The following NLRP10 variants were observed in gnomAD, a reference collection of about 807,000 sequenced individuals.
The protein encoded by NLRP10 is NLR family pyrin domain containing 10, also known as NACHT, LRR and PYD domains-containing protein 10.
NLRP10 carries 7 observed loss-of-function variants against 8.2 expected under a neutral mutation model. That is an observed-to-expected ratio of 0.85 (90% CI 0.48 to 1.60). The LOEUF (loss-of-function observed/expected upper bound fraction) is 1.60. Among genes scored for constraint, NLRP10 ranks in the 40% most tolerant of loss-of-function variants. The pLI is 0.00. For missense variants in NLRP10, 814 were observed against 776.3 expected (o/e 1.05, Z -0.58); for synonymous variants, 338 against 314.0 (o/e 1.08, Z -0.81).
Position 7,963,597 on chromosome 11 carries a change from G to C in NLRP10, c.-45-57C>G, listed in dbSNP as rs1941770319. 3 of 1,069,540 alleles carry C rather than the reference G, an allele frequency of 2.8e-6. No individual in the cohort carries two copies. The African/African-American group carries it at 4.8e-5, about 17-fold the overall frequency. The allele number at this position is 1,069,540 out of a possible 1,614,324, so 66.3% of individuals were successfully genotyped here. On this transcript the variant is annotated intron_variant, in intron 1 of 2. Coordinates refer to ENST00000691676, the MANE Select transcript of NLRP10 (RefSeq NM_001391958.1). Reference sequence around the variant, plus strand: ...GCTGAGAGGCCCACCCTGCTTTCTGGGGGCTTGGCCAAGTTATAGAGCGGA... The same window carrying C: ...GCTGAGAGGCCCACCCTGCTTTCTGCGGGCTTGGCCAAGTTATAGAGCGGA...
intron 1 of NLRP10, among the ~76,000 whole-genome samples, chr11:7,964,452 C>G (rs1195860740): frequency 1.3e-5 from 2 of 152,210 alleles, no homozygotes; most frequent in African/African-American, 4.8e-5. Flanking sequence ...AGAGGAACCG[C>G]CACCTGTGAG....
chr11:7,960,279 C>T lies in NLRP10; in HGVS notation c.1333G>A (p.Ala445Thr), dbSNP rs749132635. 9 of 1,614,036 alleles carry T rather than the reference C, an allele frequency of 5.6e-6. No homozygotes were observed. Among genetic ancestry groups the T allele is most frequent in the East Asian group, 2.2e-5 (1 of 44,894 alleles). Residue 445 changes from alanine (A) to threonine (T), a missense_variant, in exon 3 of 3, where the codon GCT becomes ACT. Ala to Thr is a moderately conservative substitution (Grantham distance 58). Coordinates refer to ENST00000691676, the MANE Select transcript of NLRP10 (RefSeq NM_001391958.1). ...KHNLDGPRLA[A>T]FLSSNDYQLG... Reference sequence around the variant, plus strand: ...TGGTAGTCGTTACTACTCAGGAAAGCGGCAAGCCTGGGGCCATCTAAATTA... The same window carrying T: ...TGGTAGTCGTTACTACTCAGGAAAGTGGCAAGCCTGGGGCCATCTAAATTA...
rs1482796243 is a variant in NLRP10, at chr11:7,957,639, C to G, written c.*2005G>C. Among the ~76,000 whole-genome samples, 1 of 152,064 alleles carries G rather than the reference C, an allele frequency of 6.6e-6. No individual in the cohort carries two copies. Among genetic ancestry groups the G allele is most frequent in the Non-Finnish European group, 1.5e-5 (1 of 67,998 alleles). ...ATATACCCTCTCCACCACCACCACC[C>G]CCTCACAAAGTTTCTCTTATTAACA... On this transcript the variant is annotated 3_prime_UTR_variant, in exon 3 of 3. Coordinates refer to ENST00000691676, the MANE Select transcript of NLRP10 (RefSeq NM_001391958.1).
chr11:7,962,707 C>T (rs190378244), intron 2 of NLRP10, among the ~76,000 whole-genome samples: 288 of 152,128 alleles, frequency 1.9e-3, no homozygotes, highest in African/African-American at 6.4e-3. Context: ...ATCCCTCCCT[C>T]CCCCCAGGCA....
At position 7,960,211 on chromosome 11, in the gene NLRP10, G is replaced by A. The variant is rs1941689697; in HGVS notation, c.1401C>T (p.Ile467=). The change falls in exon 3 of 3, where the codon ATC becomes ATT. Residue 467 remains isoleucine, a synonymous_variant. Transcript: ENST00000691676. The stretch of plus-strand genomic sequence containing the variant: ...TGGCATGAAAAAAGTCCTGGAAGCT[G>A]ATGTGGCGGAAGCTGTAGAACTTCT... ...AIKKFYSFRH[I]SFQDFFHAMS... 2 of 1,614,192 alleles carry A rather than the reference G, an allele frequency of 1.2e-6. No homozygotes were observed. The highest frequency in any genetic ancestry group is 2.7e-5 in the African/African-American group (2 of 75,054).
At chr11:7,963,672 G>C in intron 1 of NLRP10, 132 bp from the exon 2 acceptor site, 1 of 595,302 alleles carries the variant, frequency 1.7e-6, no homozygotes, top group East Asian at 2.8e-5. Context: ...AAGACAAGCA[G>C]ATGAAACGCA....
At chr11:7,961,471 C>T in intron 2 of NLRP10, 149 bp from the exon 3 acceptor site, 1 of 619,594 alleles carries the variant, frequency 1.6e-6, no homozygotes, top group Non-Finnish European at 2.8e-6. Context: ...TGGGGAGGGG[C>T]CACTGTATGT....
At position 7,960,083 on chromosome 11, in the gene NLRP10, A is replaced by G; in HGVS notation, c.1529T>C (p.Met510Thr). 1 of 1,614,150 alleles carries G rather than the reference A, an allele frequency of 6.2e-7. No individual in the cohort carries two copies. Among genetic ancestry groups the G allele is most frequent in the East Asian group, 2.2e-5 (1 of 44,876 alleles). Reference protein sequence around the residue: ...EVKEQEGNDEMTLTMQFLLDI... With the variant: ...EVKEQEGNDETTLTMQFLLDI... ...CAGTAAAAACTGCATAGTGAGGGTC[A>G]TCTCATCATTCCCTTCCTGCTCCTT... Residue 510 changes from methionine (M) to threonine (T), a missense_variant, in exon 3 of 3, where the codon ATG (methionine) becomes ACG (threonine). Met to Thr is a moderately conservative substitution (Grantham distance 81). Coordinates refer to ENST00000691676, the MANE Select transcript of NLRP10 (RefSeq NM_001391958.1).
Position 7,961,262 on chromosome 11 carries a change from A to C in NLRP10, c.350T>G (p.Val117Gly). Residue 117 changes from valine to glycine, a missense_variant, in exon 3 of 3, where the codon GTC becomes GGC. Transcript: ENST00000691676. ...RCLEEWQEAG[V>G]NGRYNQVLLV... The stretch of plus-strand genomic sequence containing the variant: ...GAGCACCTGGTTGTATCTGCCATTG[A>C]CTCCTGCTTCCTGCCATTCCTCTAG... 1.2e-6 allele frequency: 2 copies of C among 1,607,412 alleles called. No individual in the cohort carries two copies. The highest frequency in any genetic ancestry group is 1.3e-5 in the African/African-American group (1 of 74,214).
Position 7,959,923 on chromosome 11 carries a change from C to G in NLRP10, c.1689G>C (p.Leu563Phe), listed in dbSNP as rs1356170788. The change falls in exon 3 of 3, where the codon TTG becomes TTC. Residue 563 changes from leucine (L) to phenylalanine (F), a missense_variant. Transcript: ENST00000691676. ...ESMKHNRTWD[L>F]EFSLYEAKIK... The stretch of plus-strand genomic sequence containing the variant: ...TTTTAGCTTCATACAGGGAGAATTC[C>G]AAATCCCAGGTCCTGTTGTGCTTCA... The G allele has an allele frequency of 6.2e-7, 1 of 1,613,988 alleles. No individual in the cohort carries two copies. The highest frequency in any genetic ancestry group is 8.5e-7 in the Non-Finnish European group (1 of 1,180,018).
At chr11:7,962,228 G>GTTT (rs1196465022) in intron 2 of NLRP10, among the ~76,000 whole-genome samples, 7 of 36,850 alleles carry the variant, frequency 1.9e-4, no homozygotes, top group South Asian at 1.0e-3. Flanking sequence ...AGATAAGCCT[G>GTTT]TTCTTTTTTT....
In NLRP10 at chr11:7,958,385, G is replaced by T. The variant is rs1941655974; in HGVS notation, c.*1259C>A. 6.6e-6 allele frequency among the ~76,000 whole-genome samples: 1 copy of T among 152,208 alleles called. No homozygotes were observed. The highest frequency in any genetic ancestry group is 6.5e-5 in the Admixed American group (1 of 15,282). On this transcript the variant is annotated 3_prime_UTR_variant, in exon 3 of 3. Coordinates refer to ENST00000691676, the MANE Select transcript of NLRP10 (RefSeq NM_001391958.1). ...TACTCCACATCCTAACAAGCATTTA[G>T]TGTTGCCAGGATTTGGGATGTTAGC...
rs773037550 is a variant in NLRP10, at chr11:7,960,689, C to A, written c.923G>T (p.Arg308Leu). ...RNLEPLLKQA[R>L]HVHILGFSEE... ...AGAGAAGCCTAGGATATGGACATGA[C>A]GTGCTTGTTTCAGCAAGGGCTCCAG... Residue 308 changes from arginine (R) to leucine (L), a missense_variant, in exon 3 of 3, where the codon CGT (arginine) becomes CTT (leucine). Transcript: ENST00000691676. 9.9e-6 allele frequency: 16 copies of A among 1,614,044 alleles called. No homozygotes were observed. In the South Asian group the frequency reaches 1.5e-4, roughly 16 times the overall value.
Position 7,960,789 on chromosome 11 carries a change from G to A in NLRP10, c.823C>T (p.His275Tyr), listed in dbSNP as rs747343602. Residue 275 changes from histidine to tyrosine, a missense_variant, in exon 3 of 3, where the codon CAC (histidine) becomes TAC (tyrosine). Transcript: ENST00000691676. ...RGLSPKESLL[H>Y]LLIRRHTLPT... ...AGTGTATGTCTCCTAATTAGAAGGT[G>A]CAGCAGGCTCTCCTTGGGACTCAAA... 1.9e-6 allele frequency: 3 copies of A among 1,614,020 alleles called. No individual in the cohort carries two copies. Among genetic ancestry groups the A allele is most frequent in the African/African-American group, 2.7e-5 (2 of 74,904 alleles).
At chr11:7,963,988 C>A (rs1941778641) in intron 1 of NLRP10, among the ~76,000 whole-genome samples, 1 of 152,144 alleles carries the variant, frequency 6.6e-6, no homozygotes, top group Non-Finnish European at 1.5e-5. Flanking sequence ...GTGGCATGAT[C>A]TCGGCTCACC....
chr11:7,960,906 C>A lies in NLRP10; in HGVS notation c.706G>T (p.Glu236Ter). The change falls in exon 3 of 3, where the codon GAG (glutamate) becomes TAG (stop). Residue 236 changes from glutamate to a stop codon, truncating the protein, a stop_gained. Transcript: ENST00000691676. LOFTEE classifies it low-confidence loss of function (END_TRUNC). Reference protein sequence around the residue: ...CCGDNQAPVTEILRQPERLLF... With the variant: ...CCGDNQAPVT ...AGCCGCTCTGGCTGCCTCAGAATCTCTGTGACAGGGGCTTGATTGTCCCCG... is the reference window on the plus strand; with the variant it reads ...AGCCGCTCTGGCTGCCTCAGAATCTATGTGACAGGGGCTTGATTGTCCCCG... 6.2e-7 allele frequency: 1 copy of A among 1,614,216 alleles called. No individual in the cohort carries two copies. The highest frequency in any genetic ancestry group is 8.5e-7 in the Non-Finnish European group (1 of 1,180,034).
Position 7,960,209 on chromosome 11 carries a change from C to T in NLRP10, c.1403G>A (p.Ser468Asn), listed in dbSNP as rs1941689649. ...CATGGCATGAAAAAAGTCCTGGAAG[C>T]TGATGTGGCGGAAGCTGTAGAACTT... ...IKKFYSFRHI[S>N]FQDFFHAMSY... is the part of the protein sequence containing the mutation. The change falls in exon 3 of 3, where the codon AGC becomes AAC. Residue 468 changes from serine to asparagine, a missense_variant. Physicochemically the swap from Ser to Asn is conservative, Grantham distance 46. Coordinates refer to ENST00000691676, the MANE Select transcript of NLRP10 (RefSeq NM_001391958.1). 3 of 1,614,090 alleles carry T rather than the reference C, an allele frequency of 1.9e-6. No individual in the cohort carries two copies. Among genetic ancestry groups the T allele is most frequent in the South Asian group, 2.2e-5 (2 of 91,090 alleles).
chr11:7,963,022 A>G (rs376562157), intron 2 of NLRP10, among the ~76,000 whole-genome samples, 185 bp downstream of exon 2: 1 of 152,218 alleles, frequency 6.6e-6, no homozygotes, highest in African/African-American at 2.4e-5. Context: ...GCTTTGGCTC[A>G]GTCCCCCTCC....
intron 2 of NLRP10, among the ~76,000 whole-genome samples, chr11:7,961,939 C>T (rs10839952): frequency 0.039 from 5,936 of 152,160 alleles, 281 homozygotes; most frequent in African/African-American, 0.11. Flanking sequence ...GCCCTCCCCA[C>T]GGTAATGAAC....
Sources: gnomAD v4.1 joint callset for allele counts (sites outside exome capture counted in the v4.1 genomes callset) on GRCh38, gnomAD v4.1.1 for gene constraint, MANE v1.5 for transcripts, NCBI Gene and HGNC (gene_info 2026-07-23, HGNC 2026-07-21) for gene names.